The following OTUD7A variants were observed in gnomAD, a reference collection of about 807,000 sequenced individuals.
The protein encoded by OTUD7A is OTU deubiquitinase 7A, also known as OTU domain-containing protein 7A.
In OTUD7A, 12 loss-of-function variants were observed where a neutral mutation model predicts 65.7. The observed-to-expected ratio is 0.18, with a 90% CI of 0.12 to 0.30. The LOEUF (loss-of-function observed/expected upper bound fraction) is 0.30. OTUD7A is among the 10% of genes least tolerant of loss of function. The pLI is 1.00. For synonymous variants in OTUD7A, 641 were observed against 586.3 expected (o/e 1.09, Z -1.35); for missense variants, 1,148 against 1,304.8 (o/e 0.88, Z 1.85).
At chr15:31,598,437 G>A (rs1324066218) in intron 3 of OTUD7A, among the ~76,000 whole-genome samples, 2 of 152,166 alleles carry the variant, frequency 1.3e-5, no homozygotes, top group Admixed American at 6.5e-5. Context: ...GAAGCCGTGA[G>A]GGACTGAGCC....
intron 1 of OTUD7A, among the ~76,000 whole-genome samples, chr15:31,866,682 C>G (rs1042639963): frequency 4.6e-5 from 7 of 152,116 alleles, no homozygotes; most frequent in African/African-American, 1.7e-4. Context: ...AAAAAAGAAC[C>G]AGCATATCTT....
At chr15:31,775,463 G>A (rs189507047) in intron 1 of OTUD7A, among the ~76,000 whole-genome samples, 3 of 152,338 alleles carry the variant, frequency 2.0e-5, no homozygotes, top group South Asian at 2.1e-4. Flanking sequence ...TGTAAGTGCT[G>A]TGACTACAAC....
intron 1 of OTUD7A, among the ~76,000 whole-genome samples, chr15:31,799,014 G>T (rs1279861068): frequency 6.6e-6 from 1 of 152,206 alleles, no homozygotes; most frequent in African/African-American, 2.4e-5. Flanking sequence ...GGTGGAGAGG[G>T]CCCCACAACC....
Position 31,867,160 on chromosome 15 carries a change from G to T in OTUD7A, c.-100+3347C>A, listed in dbSNP as rs28478735. On this transcript the variant is annotated intron_variant, in intron 1 of 12. Coordinates refer to ENST00000307050, the MANE Select transcript of OTUD7A (RefSeq NM_001382637.1). Reference sequence around the variant, plus strand: ...CTGAGTTCAGTCCCTGCGAGGAAAAGTCTCCCAGGGAACATGTGGTTGAAT... The same window carrying T: ...CTGAGTTCAGTCCCTGCGAGGAAAATTCTCCCAGGGAACATGTGGTTGAAT... Among the ~76,000 whole-genome samples, 617 of 152,260 alleles carry T rather than the reference G, an allele frequency of 4.1e-3. 2 individuals are homozygous for T. The highest frequency in any genetic ancestry group is 0.014 in the African/African-American group (591 of 41,554).
chr15:31,686,125 A>C (rs1225695322), intron 1 of OTUD7A, among the ~76,000 whole-genome samples: 1 of 152,362 alleles, frequency 6.6e-6, no homozygotes, highest in East Asian at 1.9e-4. Context: ...ACACTGGGGA[A>C]CACATACTGC....
At chr15:31,524,937 T>C (rs1488983770) in intron 8 of OTUD7A, among the ~76,000 whole-genome samples, 3 of 152,138 alleles carry the variant, frequency 2.0e-5, no homozygotes, top group Admixed American at 6.5e-5. Flanking sequence ...ACTGTGGCCT[T>C]AGGAGTCAGA....
Position 31,487,356 on chromosome 15 carries a change from C to T in OTUD7A, c.1287-78G>A. 1 of 1,583,228 alleles carries T rather than the reference C, an allele frequency of 6.3e-7. No homozygotes were observed. The highest frequency in any genetic ancestry group is 8.7e-7 in the Non-Finnish European group (1 of 1,155,138). On this transcript the variant is annotated intron_variant, in intron 11 of 12. Coordinates refer to ENST00000307050, the MANE Select transcript of OTUD7A (RefSeq NM_001382637.1). The surrounding 1 kb of genome is among the most constrained non-coding windows in gnomAD (Gnocchi z 6.0). ...CCCAGTCCACTTGCATGCCAGCTGT[C>T]CCAGGAGGAGCAGGGGTGGTACATT...
rs2042000486 is a variant in OTUD7A, at chr15:31,525,639, G to C, written c.893+710C>G. Among the ~76,000 whole-genome samples, 6 of 152,238 alleles carry C rather than the reference G, an allele frequency of 3.9e-5. No homozygotes were observed. The South Asian group carries it at 1.2e-3, about 32-fold the overall frequency. On this transcript the variant is annotated intron_variant, in intron 8 of 12. Transcript: ENST00000307050. The stretch of plus-strand genomic sequence containing the variant: ...TGCTCACACTTTCTCATGTTTGGCT[G>C]AGACCTTCTCTAGGAGCAACACCTT...
chr15:31,484,829 G>A lies in OTUD7A; in HGVS notation c.1372-105C>T. 6.7e-7 allele frequency: 1 copy of A among 1,482,512 alleles called. No individual in the cohort carries two copies. The highest frequency in any genetic ancestry group is 8.9e-7 in the Non-Finnish European group (1 of 1,119,448). 91.8% of individuals were successfully genotyped at this position (1,482,512 alleles called of 1,614,324 possible). On this transcript the variant is annotated intron_variant, in intron 12 of 12. Coordinates refer to ENST00000307050, the MANE Select transcript of OTUD7A (RefSeq NM_001382637.1). This position sits in a 1 kb window ranked among gnomAD's most constrained non-coding sequence, Gnocchi z 4.5. ...CCTGTGTTGCCGAGGCTAGGGCCCT[G>A]GACCTTCACTGTCCCAGTCCCCACT...
chr15:31,723,396 C>G (rs1278109559), intron 1 of OTUD7A, among the ~76,000 whole-genome samples: 2 of 1,558 alleles, frequency 1.3e-3, no homozygotes, highest in Non-Finnish European at 5.8e-3. Context: ...CGCACGCCAC[C>G]CCCCCCCCCC....
At chr15:31,770,454 C>A (rs1037401683) in intron 1 of OTUD7A, among the ~76,000 whole-genome samples, 1 of 151,978 alleles carries the variant, frequency 6.6e-6, no homozygotes, top group East Asian at 1.9e-4. Flanking sequence ...TAAAGTCCAC[C>A]CTGAAATGGT....
intron 5 of OTUD7A, among the ~76,000 whole-genome samples, chr15:31,535,525 A>C (rs1887766060): frequency 6.6e-6 from 1 of 152,126 alleles, no homozygotes; most frequent in Non-Finnish European, 1.5e-5. Context: ...CCACTCGTGG[A>C]TATTTATTTA....
intron 1 of OTUD7A, among the ~76,000 whole-genome samples, chr15:31,776,196 C>G (rs1895375521): frequency 6.6e-6 from 1 of 152,218 alleles, no homozygotes. Flanking sequence ...TGGTACCGCT[C>G]CCAGTAGGGC....
At position 31,669,925 on chromosome 15, in the gene OTUD7A, T is replaced by C. The variant is rs551722191; in HGVS notation, c.-99-12848A>G. Among the ~76,000 whole-genome samples, 52 of 148,388 alleles carry C rather than the reference T, an allele frequency of 3.5e-4. 1 individual carries two copies. Among genetic ancestry groups the C allele is most frequent in the African/African-American group, 1.2e-3 (45 of 38,862 alleles). ...TGCAAACAGACCTTCAATTTCTCCATTGGGGGTGTGTGTTCGGGAGAGCAG... is the reference window on the plus strand; with the variant it reads ...TGCAAACAGACCTTCAATTTCTCCACTGGGGGTGTGTGTTCGGGAGAGCAG... On this transcript the variant is annotated intron_variant, in intron 1 of 12. Transcript: ENST00000307050.
chr15:31,485,820 T>C (rs1258308455), intron 12 of OTUD7A, among the ~76,000 whole-genome samples: 1 of 152,132 alleles, frequency 6.6e-6, no homozygotes, highest in Non-Finnish European at 1.5e-5. Context: ...CCTCAAACCC[T>C]TCAAGCAAGT....
intron 3 of OTUD7A, among the ~76,000 whole-genome samples, chr15:31,629,890 G>A (rs1421976203): frequency 8.5e-5 from 13 of 152,250 alleles, no homozygotes; most frequent in African/African-American, 2.2e-4. Context: ...AGAAGTGTTT[G>A]TAGTATTCTC....
At chr15:31,678,170 T>C (rs1322151286) in intron 1 of OTUD7A, among the ~76,000 whole-genome samples, 4 of 152,218 alleles carry the variant, frequency 2.6e-5, no homozygotes, top group Admixed American at 2.0e-4. Flanking sequence ...AGCAGCAAAG[T>C]GTTTAAGAGA....
chr15:31,669,734 C>T (rs1595698538), intron 1 of OTUD7A, among the ~76,000 whole-genome samples: 2 of 152,176 alleles, frequency 1.3e-5, no homozygotes, highest in South Asian at 2.1e-4. Context: ...GTGTTTTTCC[C>T]CCCTCCTCTG....
chr15:31,761,322 CAAT>C (rs1894956973), intron 1 of OTUD7A, among the ~76,000 whole-genome samples: 1 of 151,870 alleles, frequency 6.6e-6, no homozygotes, highest in South Asian at 2.1e-4. Flanking sequence ...ATATACAACT[CAAT>C]AATAAAAACA....
Sources: allele counts gnomAD v4.1 joint callset (sites outside exome capture counted in the v4.1 genomes callset), GRCh38; gene constraint gnomAD v4.1.1; non-coding constraint Gnocchi (gnomAD v3.1); transcripts MANE v1.5; gene names NCBI Gene and HGNC (gene_info 2026-07-23, HGNC 2026-07-21).